The following INO80 variants were observed in gnomAD, a reference collection of about 807,000 sequenced individuals.
INO80 encodes the protein chromatin-remodeling ATPase INO80.
Under a neutral mutation model 203.4 loss-of-function variants are expected in INO80, and 20 were observed. The observed-to-expected ratio is 0.10, with a 90% confidence interval of 0.07 to 0.14. The LOEUF is 0.14. INO80 is among the 10% of genes least tolerant of loss of function. The pLI is 1.00. For synonymous variants in INO80, 726 were observed against 685.2 expected, an observed-to-expected ratio of 1.06 and a Z score of -0.93; for missense variants, 1,419 against 1,914.4, an observed-to-expected ratio of 0.74 and a Z score of 4.83.
intron 35 of INO80, among the ~76,000 whole-genome samples, chr15:40,982,078 C>T (rs1267440440): frequency 6.6e-6 from 1 of 152,228 alleles, no homozygotes; most frequent in Non-Finnish European, 1.5e-5. Flanking sequence ...GTTAAGAGTA[C>T]TGCATGCATG....
In INO80 at chr15:41,000,716, A is replaced by T. The variant is rs1187203878; in HGVS notation, c.3498-3115T>A. 2.7e-3 allele frequency among the ~76,000 whole-genome samples: 405 copies of T among 150,858 alleles called. 4 individuals are homozygous for T. The highest frequency in any genetic ancestry group is 0.013 in the South Asian group (61 of 4,808). On this transcript the variant is annotated intron_variant, in intron 28 of 35. Coordinates refer to ENST00000648947, the MANE Select transcript of INO80 (RefSeq NM_017553.3). ...AGTGGCACCCTGTCTCAAAAAAAAAAAAAAAAAAAAAAAAGAAAGAAAAGA... is the reference window on the plus strand; with the variant it reads ...AGTGGCACCCTGTCTCAAAAAAAAATAAAAAAAAAAAAAAGAAAGAAAAGA...
chr15:41,108,575 C>T (rs1351754692), intron 1 of INO80, among the ~76,000 whole-genome samples: 3 of 124,330 alleles, frequency 2.4e-5, no homozygotes, highest in Non-Finnish European at 4.8e-5. Context: ...CTGGGGGACA[C>T]AGCGAGACTC....
At chr15:41,035,798 G>A in intron 24 of INO80, among the ~76,000 whole-genome samples, 1 of 139,554 alleles carries the variant, frequency 7.2e-6, no homozygotes, top group African/African-American at 2.7e-5. Flanking sequence ...CTCCAATCTG[G>A]GGGACAGAGT....
intron 1 of INO80, among the ~76,000 whole-genome samples, chr15:41,099,765 G>C (rs1021590857): frequency 6.7e-6 from 1 of 149,384 alleles, no homozygotes; most frequent in Non-Finnish European, 1.5e-5. Context: ...CTGCATAACA[G>C]AGTGAGACTA....
chr15:41,050,055 T>C lies in INO80; in HGVS notation c.2322A>G (p.Leu774=), dbSNP rs1245378279. 4.3e-6 allele frequency: 7 copies of C among 1,613,730 alleles called. No homozygotes were observed. Among genetic ancestry groups the C allele is most frequent in the East Asian group, 2.2e-5 (1 of 44,900 alleles). ...AAATTTTGTTCTTTAGTGCCTGATATAGCAGCTTCTGTCGGCTGGTCAGTT... is the reference window on the plus strand; with the variant it reads ...AAATTTTGTTCTTTAGTGCCTGATACAGCAGCTTCTGTCGGCTGGTCAGTT... The part of the protein sequence containing the change: ...YCQLTSRQKL[L]YQALKNKISI... Residue 774 remains leucine, a synonymous_variant, in exon 20 of 36, where the codon CTA becomes CTG. Transcript: ENST00000648947.
At chr15:41,113,951 A>G (rs149104407) in intron 1 of INO80, among the ~76,000 whole-genome samples, 50 of 152,352 alleles carry the variant, frequency 3.3e-4, no homozygotes, top group African/African-American at 1.1e-3. Context: ...ACAGTAAGCT[A>G]AAATGATGGA....
At chr15:41,005,461 A>G in intron 28 of INO80, 132 bp downstream of exon 28, 1 of 580,224 alleles carries the variant, frequency 1.7e-6, no homozygotes, top group South Asian at 2.2e-5. Flanking sequence ...AACTTCTTAA[A>G]ATGGCAGGAA....
At chr15:41,033,770 G>C (rs2044527882) in intron 24 of INO80, among the ~76,000 whole-genome samples, 1 of 152,102 alleles carries the variant, frequency 6.6e-6, no homozygotes, top group Non-Finnish European at 1.5e-5. Context: ...CCCAAACTTA[G>C]GCCAGGCGCA....
In INO80 at chr15:40,987,800, T is replaced by C. The variant is rs1207512012; in HGVS notation, c.3729+16A>G. 5.0e-6 allele frequency: 8 copies of C among 1,606,984 alleles called. No homozygotes were observed. Among genetic ancestry groups the C allele is most frequent in the Non-Finnish European group, 6.8e-6 (8 of 1,175,358 alleles). On this transcript the variant is annotated intron_variant, in intron 30 of 35. Transcript: ENST00000648947. ...TTTGCTCCACCAGTGTAGGAATTTCTTTCTCTTGTGCTTACCTCACTCTTC... is the reference window on the plus strand; with the variant it reads ...TTTGCTCCACCAGTGTAGGAATTTCCTTCTCTTGTGCTTACCTCACTCTTC...
intron 27 of INO80, 72 bp downstream of exon 27, chr15:41,016,016 T>C (rs1407115805): frequency 8.1e-7 from 1 of 1,240,308 alleles, no homozygotes; most frequent in African/African-American, 1.5e-5. Flanking sequence ...AGGACTAACA[T>C]TAGTCATGGA....
chr15:41,109,867 G>A (rs550148806), intron 1 of INO80, among the ~76,000 whole-genome samples: 4 of 151,826 alleles, frequency 2.6e-5, no homozygotes, highest in African/African-American at 7.2e-5. Flanking sequence ...GGGAGATGGA[G>A]GTTGCAGTGA....
intron 5 of INO80, among the ~76,000 whole-genome samples, chr15:41,089,158 T>G (rs918822008): frequency 2.6e-5 from 4 of 152,052 alleles, no homozygotes; most frequent in African/African-American, 9.7e-5. Context: ...CCACTGCATT[T>G]CAGTCTGGGT....
At chr15:41,057,586 C>G (rs2045011261) in intron 16 of INO80, among the ~76,000 whole-genome samples, 1 of 151,774 alleles carries the variant, frequency 6.6e-6, no homozygotes, top group African/African-American at 2.4e-5. Context: ...AACCTGAGGT[C>G]AGGAGTTCGA....
intron 23 of INO80, among the ~76,000 whole-genome samples, chr15:41,046,230 T>TATAC (rs2044763071): frequency 4.4e-5 from 1 of 22,768 alleles, no homozygotes; most frequent in Non-Finnish European, 1.7e-4. Flanking sequence ...TATATATATA[T>TATAC]ATATATATAT....
intron 29 of INO80, among the ~76,000 whole-genome samples, chr15:40,995,593 A>C (rs761766814): frequency 6.6e-6 from 1 of 152,198 alleles, no homozygotes; most frequent in African/African-American, 2.4e-5. Context: ...AAACTAACAG[A>C]GTACCAGCAT....
intron 27 of INO80, among the ~76,000 whole-genome samples, chr15:41,010,403 AATTTTTTTTTTTTAG>A (rs923364295): frequency 6.6e-6 from 1 of 151,790 alleles, no homozygotes; most frequent in Non-Finnish European, 1.5e-5. Context: ...CTCCTTTTTA[AATTTTTTTTTTTTAG>A]ATTTTTAATT....
chr15:40,983,706 C>G, intron 34 of INO80, 56 bp downstream of exon 34: 1 of 1,530,848 alleles, frequency 6.5e-7, no homozygotes, highest in Non-Finnish European at 9.0e-7. Context: ...TACCCACAAC[C>G]AAACCAGTGC....
rs1219460316 is a variant in INO80, at chr15:41,079,779, C to G, written c.1053G>C (p.Glu351Asp). 1 of 1,614,164 alleles carries G rather than the reference C, an allele frequency of 6.2e-7. No homozygotes were observed. Among genetic ancestry groups the G allele is most frequent in the Non-Finnish European group, 8.5e-7 (1 of 1,180,026 alleles). ...KEMLLYWKKY[E>D]KVEKEHRKRA... ...TCTTGCGGTGCTCCTTCTCTACTTT[C>G]TCATATTTCTTCCAGTACAGAAGCA... Residue 351 changes from glutamate (E) to aspartate (D), a missense_variant, in exon 9 of 36, where the codon GAG (glutamate) becomes GAC (aspartate). By Grantham distance (45) the Glu-to-Asp change is conservative. Coordinates refer to ENST00000648947, the MANE Select transcript of INO80 (RefSeq NM_017553.3).
At chr15:41,055,463 A>T in intron 17 of INO80, 99 bp from the exon 18 acceptor site, 1 of 578,378 alleles carries the variant, frequency 1.7e-6, no homozygotes, top group Non-Finnish European at 3.0e-6. Context: ...TTAGTGTGTA[A>T]GTGCCTAGAT....
Sources: gnomAD v4.1 joint callset for allele counts (sites outside exome capture counted in the v4.1 genomes callset) on GRCh38, gnomAD v4.1.1 for gene constraint, MANE v1.5 for transcripts, NCBI Gene and HGNC (gene_info 2026-07-23, HGNC 2026-07-21) for gene names.